Variants in PAFAH1B1 observed in about 807,000 individuals in gnomAD.
The protein encoded by PAFAH1B1 is platelet-activating factor acetylhydrolase IB subunit beta.
Under a neutral mutation model 57.5 loss-of-function variants are expected in PAFAH1B1, and 2 were observed. The observed-to-expected ratio is 0.03, with a 90% CI of 0.01 to 0.11. The LOEUF (loss-of-function observed/expected upper bound fraction) is 0.11. PAFAH1B1 is among the 10% of genes least tolerant of loss of function. The pLI is 1.00. For missense variants in PAFAH1B1, 257 were observed against 512.0 expected (o/e 0.50, Z 4.81); for synonymous variants, 152 against 169.6 (o/e 0.90, Z 0.81).
chr17:2,667,435 T>C lies in PAFAH1B1; in HGVS notation c.399+237T>C, dbSNP rs148895380. ...AGGTACTCTGAAACGTGTGATTTGG[T>C]TCTAAATCTTAAAAGACAGAATTGG... is the stretch of plus-strand genomic sequence containing the variant. On this transcript the variant is annotated intron_variant, in intron 5 of 10. Coordinates refer to ENST00000397195, the MANE Select transcript of PAFAH1B1 (RefSeq NM_000430.4). 504 of 445,792 alleles carry C rather than the reference T, an allele frequency of 1.1e-3. 2 individuals carry two copies. The highest frequency in any genetic ancestry group is 9.0e-3 in the Admixed American group (250 of 27,866). The allele number at this position is 445,792 out of a possible 1,614,324, so 27.6% of individuals were successfully genotyped here.
At chr17:2,639,460 T>C (rs542895417) in intron 2 of PAFAH1B1, 1 of 152,336 alleles carries the variant, frequency 6.6e-6, no homozygotes, top group South Asian at 2.1e-4. Flanking sequence ...TGAAATGGTT[T>C]GACCTCTTCT....
At chr17:2,652,256 A>C (rs1024443418) in intron 2 of PAFAH1B1, among the ~76,000 whole-genome samples, 4 of 149,126 alleles carry the variant, frequency 2.7e-5, no homozygotes, top group African/African-American at 7.5e-5. Context: ...TAAAAATACA[A>C]AAAAAAAAAT....
intron 1 of PAFAH1B1, among the ~76,000 whole-genome samples, chr17:2,627,797 A>G (rs1301079503): frequency 6.6e-6 from 1 of 152,102 alleles, no homozygotes; most frequent in African/African-American, 2.4e-5. Context: ...GATGTCTTTC[A>G]ACTCCTTGGT....
At chr17:2,651,116 C>T (rs1369207419) in intron 2 of PAFAH1B1, among the ~76,000 whole-genome samples, 2 of 152,152 alleles carry the variant, frequency 1.3e-5, no homozygotes, top group East Asian at 1.9e-4. Context: ...AGAAAGGGAT[C>T]GAAGTGCTTT....
chr17:2,595,421 C>CTTTTT (rs71377513), intron 1 of PAFAH1B1, among the ~76,000 whole-genome samples: 29,606 of 123,354 alleles, frequency 0.24, 3,782 homozygotes, highest in Non-Finnish European at 0.3. Context: ...GGAGTGTTTG[C>CTTTTT]TTTTTTTTTT....
intron 10 of PAFAH1B1, 54 bp downstream of exon 10, chr17:2,680,374 C>T: frequency 6.7e-7 from 1 of 1,492,034 alleles, no homozygotes; most frequent in Non-Finnish European, 9.4e-7. Context: ...GCCAGACAAA[C>T]TGTGTTTTAC....
At chr17:2,675,770 G>A (rs1441228649) in intron 8 of PAFAH1B1, among the ~76,000 whole-genome samples, 1 of 152,012 alleles carries the variant, frequency 6.6e-6, no homozygotes, top group African/African-American at 2.4e-5. Flanking sequence ...GATCCCAGGA[G>A]TTCAAAGCTG....
At chr17:2,677,840 C>T (rs1567561859) in intron 9 of PAFAH1B1, among the ~76,000 whole-genome samples, 2 of 148,056 alleles carry the variant, frequency 1.4e-5, no homozygotes, top group South Asian at 2.2e-4. Flanking sequence ...GGCGACAGAG[C>T]GAGACTCCGC....
chr17:2,645,584 C>T (rs2068756360), intron 2 of PAFAH1B1, among the ~76,000 whole-genome samples: 1 of 147,966 alleles, frequency 6.8e-6, no homozygotes, highest in Non-Finnish European at 1.5e-5. Flanking sequence ...CAGAGGGAGA[C>T]CCTGTCTCAA....
chr17:2,673,965 C>A, intron 7 of PAFAH1B1, 95 bp from the exon 8 acceptor site: 1 of 850,076 alleles, frequency 1.2e-6, no homozygotes, highest in Non-Finnish European at 2.0e-6. Context: ...TAACTTGGTA[C>A]CATTCTCTTC....
rs2068111863 is a variant in PAFAH1B1, at chr17:2,598,934, A to G, written c.-191+4928A>G. 3.3e-5 allele frequency among the ~76,000 whole-genome samples: 5 copies of G among 152,304 alleles called. No homozygotes were observed. In the South Asian group the frequency reaches 1.0e-3, roughly 32 times the overall value. On this transcript the variant is annotated intron_variant, in intron 1 of 10. Transcript: ENST00000397195. ...TTTAACCTTGGCATGGCAGTCATAG[A>G]ATTTAATTGATATTTATGAAATGCT...
chr17:2,664,602 A>G (rs1044548124), intron 2 of PAFAH1B1, among the ~76,000 whole-genome samples: 1 of 150,056 alleles, frequency 6.7e-6, no homozygotes, highest in Non-Finnish European at 1.5e-5. Flanking sequence ...ACGGGGTTTC[A>G]CCATGTTGGC....
At chr17:2,604,548 C>T (rs2068184399) in intron 1 of PAFAH1B1, among the ~76,000 whole-genome samples, 1 of 152,130 alleles carries the variant, frequency 6.6e-6, no homozygotes. Context: ...TGGTGGCTTA[C>T]ACCTGCAATC....
intron 1 of PAFAH1B1, among the ~76,000 whole-genome samples, chr17:2,594,908 A>C (rs771037737): frequency 3.0e-4 from 46 of 152,316 alleles, no homozygotes; most frequent in Middle Eastern, 3.4e-3. Context: ...CTGCACCTCT[A>C]AACGTAGCAG....
intron 2 of PAFAH1B1, among the ~76,000 whole-genome samples, chr17:2,655,178 C>CAT (rs201487341): frequency 3.2e-5 from 4 of 123,946 alleles, no homozygotes; most frequent in African/African-American, 6.3e-5. Flanking sequence ...TATATATATA[C>CAT]ATATATGTGT....
At chr17:2,653,623 C>A (rs1432822425) in intron 2 of PAFAH1B1, among the ~76,000 whole-genome samples, 1 of 151,952 alleles carries the variant, frequency 6.6e-6, no homozygotes, top group Non-Finnish European at 1.5e-5. Flanking sequence ...GCACTGTTTA[C>A]CTGTGTGAAT....
chr17:2,675,953 A>C (rs1182765148), intron 8 of PAFAH1B1, among the ~76,000 whole-genome samples: 4 of 152,236 alleles, frequency 2.6e-5, no homozygotes, highest in Admixed American at 2.0e-4. Flanking sequence ...TTGAAAAGTA[A>C]ATTTATTATC....
At chr17:2,632,034 G>A (rs1288044250) in intron 1 of PAFAH1B1, among the ~76,000 whole-genome samples, 1 of 152,118 alleles carries the variant, frequency 6.6e-6, no homozygotes, top group Non-Finnish European at 1.5e-5. Flanking sequence ...CTTATTCACT[G>A]TCATTACCCA....
At chr17:2,629,257 C>T (rs1047283759) in intron 1 of PAFAH1B1, among the ~76,000 whole-genome samples, 9 of 152,082 alleles carry the variant, frequency 5.9e-5, no homozygotes, top group South Asian at 2.1e-4. Context: ...CTTAGCACTG[C>T]GTTTGCTGTA....
Sources: allele counts gnomAD v4.1 joint callset (sites outside exome capture counted in the v4.1 genomes callset), GRCh38; gene constraint gnomAD v4.1.1; transcripts MANE v1.5; gene names NCBI Gene and HGNC (gene_info 2026-07-23, HGNC 2026-07-21).